Variants in RGL4 observed in about 807,000 individuals in gnomAD.
The protein encoded by RGL4 is ral guanine nucleotide dissociation stimulator like 4.
In RGL4, 41 loss-of-function variants were observed where a neutral mutation model predicts 49.6. That is an observed-to-expected ratio of 0.83 (90% CI 0.64 to 1.07). The LOEUF (loss-of-function observed/expected upper bound fraction) is 1.07, where lower values mean the gene tolerates loss of function less well. RGL4 is among the 50% of genes least tolerant of loss of function. RGL4 has a pLI of 0.00. For synonymous variants in RGL4, 255 were observed against 238.0 expected (o/e 1.07, Z -0.66); for missense variants, 610 against 591.9 (o/e 1.03, Z -0.32).
Position 23,694,358 on chromosome 22 carries a change from C to A in RGL4, c.924C>A (p.Ser308Arg), listed in dbSNP as rs369844839. The change falls in exon 5 of 11, where the codon AGC becomes AGA. Residue 308 changes from serine (S) to arginine (R), a missense_variant. Transcript: ENST00000290691. ...HWIKVARECL[S>R]LNNFSSVHVI... The stretch of plus-strand genomic sequence containing the variant: ...TCTTCCCTCTCCAGGAGTGCCTAAG[C>A]CTCAACAACTTCTCCTCGGTGCACG... 7.1e-5 allele frequency: 115 copies of A among 1,613,562 alleles called. No individual in the cohort carries two copies. In the African/African-American group the frequency reaches 1.2e-3, roughly 17 times the overall value.
At chr22:23,694,019 A>G in intron 4 of RGL4, 45 bp downstream of exon 4, 1 of 1,540,304 alleles carries the variant, frequency 6.5e-7, no homozygotes, top group South Asian at 1.1e-5. Flanking sequence ...AAAAATGGGG[A>G]ACTTCCTCTT....
intron 3 of RGL4, among the ~76,000 whole-genome samples, 182 bp from the exon 4 acceptor site, chr22:23,693,577 G>A (rs938750743): frequency 5.3e-5 from 8 of 152,172 alleles, no homozygotes; most frequent in Admixed American, 2.0e-4. Flanking sequence ...CAGGTCCCTC[G>A]GGGGCAGAAA....
At position 23,692,507 on chromosome 22, in the gene RGL4, C is replaced by A; in HGVS notation, c.352C>A (p.Pro118Thr). The change falls in exon 2 of 11, where the codon CCC becomes ACC. Residue 118 changes from proline (P) to threonine (T), a missense_variant. Pro to Thr is a conservative substitution (Grantham distance 38). Coordinates refer to ENST00000290691, the MANE Select transcript of RGL4 (RefSeq NM_153615.2). ...IVLGQLVLPE[P>T]NEAKPDDPAP... ...CCTAGGCCAGTTGGTGCTTCCGGAG[C>A]CCAACGAGGCCAAGCCAGATGGTGA... 6.2e-7 allele frequency: 1 copy of A among 1,613,904 alleles called. No homozygotes were observed. Among genetic ancestry groups the A allele is most frequent in the Non-Finnish European group, 8.5e-7 (1 of 1,179,840 alleles).
rs1466095552 is a variant in RGL4 at position 23,692,121 on chromosome 22, G to C, written c.91G>C (p.Val31Leu). The change falls in exon 1 of 11, where the codon GTC (valine) becomes CTC (leucine). Residue 31 changes from valine (V) to leucine (L), a missense_variant. By Grantham distance (32) the Val-to-Leu change is conservative (BLOSUM62 1). Coordinates refer to ENST00000290691, the MANE Select transcript of RGL4 (RefSeq NM_153615.2). The stretch of plus-strand genomic sequence containing the variant: ...GCTCCAGGGCCTTTGGGAAGAGAAT[G>C]TCTGTGGGACGCCAGGGCGCACGAG... ...AVLQGLWEEN[V>L]CGTPGRTRVC... The C allele has an allele frequency of 2.5e-6, 4 of 1,614,190 alleles. No individual in the cohort carries two copies. The highest frequency in any genetic ancestry group is 1.7e-5 in the Admixed American group (1 of 60,030).
In RGL4 at chr22:23,691,660, C is replaced by T. The variant is rs528194118; in HGVS notation, c.-371C>T. 9.8e-5 allele frequency: 21 copies of T among 214,892 alleles called. No homozygotes were observed. The South Asian group carries it at 1.2e-3, about 12-fold the overall frequency. 13.3% of individuals were successfully genotyped at this position (214,892 alleles called of 1,614,324 possible). On this transcript the variant is annotated 5_prime_UTR_variant, in exon 1 of 11. The change creates a new upstream start codon in the 5' untranslated region. Coordinates refer to ENST00000290691, the MANE Select transcript of RGL4 (RefSeq NM_153615.2). Reference sequence around the variant, plus strand: ...TCCTCCCAGATTCTGACTAGAATGACGCAGCCCAGCAACAAATATAAACTG... The same window carrying T: ...TCCTCCCAGATTCTGACTAGAATGATGCAGCCCAGCAACAAATATAAACTG...
chr22:23,697,917 C>T, intron 9 of RGL4, 56 bp downstream of exon 9: 2 of 1,570,958 alleles, frequency 1.3e-6, no homozygotes, highest in South Asian at 1.2e-5. Context: ...CGTCACAGTC[C>T]ACCCTGGGCA....
intron 3 of RGL4, 37 bp downstream of exon 3, chr22:23,693,028 C>T: frequency 6.5e-7 from 1 of 1,549,612 alleles, no homozygotes; most frequent in Non-Finnish European, 8.7e-7. Flanking sequence ...GTCTCTGGCA[C>T]CAGCTGTCTC....
chr22:23,698,275 C>T lies in RGL4; in HGVS notation c.1324C>T (p.Pro442Ser), dbSNP rs140300821. 2.4e-4 allele frequency: 383 copies of T among 1,612,196 alleles called. No homozygotes were observed. Among genetic ancestry groups the T allele is most frequent in the Non-Finnish European group, 2.8e-4 (329 of 1,178,498 alleles). The change falls in exon 10 of 11, where the codon CCT (proline) becomes TCT (serine). Residue 442 changes from proline to serine, a missense_variant. Pro to Ser is a moderately conservative substitution (Grantham distance 74). Coordinates refer to ENST00000290691, the MANE Select transcript of RGL4 (RefSeq NM_153615.2). ...QVAAMNYRLR[P>S]LEKFVTYFTR... ...GGCTGCCATGAATTACAGGCTTCGG[C>T]CTCTTGAGAAATTTGTCACCTATTT... is the stretch of plus-strand genomic sequence containing the variant.
intron 8 of RGL4, 22 bp downstream of exon 8, chr22:23,697,267 T>C: frequency 1.2e-6 from 2 of 1,600,324 alleles, no homozygotes; most frequent in Non-Finnish European, 1.7e-6. Context: ...TGGGGCAGGG[T>C]GCTTGGGAAC....
In RGL4 at chr22:23,692,363, C is replaced by T. The variant is rs1467976178; in HGVS notation, c.208C>T (p.Pro70Ser). Residue 70 changes from proline to serine, a missense_variant, in exon 2 of 11, where the codon CCC becomes TCC. Transcript: ENST00000290691. Reference sequence around the variant, plus strand: ...CATCACCTCCATTTTGTTCAACTGGCCCCCCGAAAACACTTCAGTTTACTA... The same window carrying T: ...CATCACCTCCATTTTGTTCAACTGGTCCCCCGAAAACACTTCAGTTTACTA... ...RTITSILFNW[P>S]PENTSVYYQP... The T allele has an allele frequency of 1.9e-6, 3 of 1,613,938 alleles. No individual in the cohort carries two copies. The highest frequency in any genetic ancestry group is 2.5e-6 in the Non-Finnish European group (3 of 1,179,948).
rs183284942 is a variant in RGL4 at position 23,697,821 on chromosome 22, C to T, written c.1237-17C>T. The T allele has an allele frequency of 4.8e-4, 770 of 1,602,996 alleles. 3 individuals are homozygous for T. The African/African-American group carries it at 8.9e-3, about 19-fold the overall frequency. On this transcript the variant is annotated splice_polypyrimidine_tract_variant and intron_variant, in intron 8 of 10. Coordinates refer to ENST00000290691, the MANE Select transcript of RGL4 (RefSeq NM_153615.2). The stretch of plus-strand genomic sequence containing the variant: ...GTGGGCCAGGGGCCTTTCTGATGGA[C>T]TCTGTCTGCCTTCCAGGGCAACACC...
At chr22:23,693,492 T>C (rs76947034) in intron 3 of RGL4, among the ~76,000 whole-genome samples, 6,979 of 152,232 alleles carry the variant, frequency 0.046, 212 homozygotes, top group Non-Finnish European at 0.07. Context: ...CTTCTAGTTC[T>C]TAGAGTGTGG....
chr22:23,698,449 A>G (rs2123865391), intron 10 of RGL4, 116 bp downstream of exon 10: 1 of 1,253,230 alleles, frequency 8.0e-7, no homozygotes, highest in Non-Finnish European at 1.1e-6. Flanking sequence ...TGTTCACTGC[A>G]ACGTCTGCCT....
At chr22:23,695,563 G>A (rs541678973) in intron 6 of RGL4, 93 of 420,186 alleles carry the variant, frequency 2.2e-4, no homozygotes, top group Non-Finnish European at 3.7e-4. Flanking sequence ...ATGTGGCAGG[G>A]AGTCCAGTAA....
Position 23,692,487 on chromosome 22 carries a change from G to A in RGL4, c.332G>A (p.Gly111Asp). Reference sequence around the variant, plus strand: ...GAGGACCATCAGGAAATTGTCCTAGGCCAGTTGGTGCTTCCGGAGCCCAAC... The same window carrying A: ...GAGGACCATCAGGAAATTGTCCTAGACCAGTTGGTGCTTCCGGAGCCCAAC... ...GLEDHQEIVL[G>D]QLVLPEPNEA... The change falls in exon 2 of 11, where the codon GGC (glycine) becomes GAC (aspartate). Residue 111 changes from glycine (G) to aspartate (D), a missense_variant. Physicochemically the swap from Gly to Asp is moderately conservative, Grantham distance 94 (BLOSUM62 -1). Coordinates refer to ENST00000290691, the MANE Select transcript of RGL4 (RefSeq NM_153615.2). 1.2e-6 allele frequency: 2 copies of A among 1,614,156 alleles called. No individual in the cohort carries two copies. Among genetic ancestry groups the A allele is most frequent in the Non-Finnish European group, 1.7e-6 (2 of 1,180,010 alleles).
chr22:23,694,891 G>C (rs1170441329), intron 5 of RGL4, 59 bp from the exon 6 acceptor site: 5 of 1,329,388 alleles, frequency 3.8e-6, no homozygotes. Flanking sequence ...AAAGGGACTG[G>C]AACTCACAAA....
At chr22:23,698,520 T>C (rs1460941140) in intron 10 of RGL4, 187 bp downstream of exon 10, 10 of 740,044 alleles carry the variant, frequency 1.4e-5, no homozygotes, top group East Asian at 5.4e-5. Flanking sequence ...TACACCACCA[T>C]GTCCGGTTGT....
rs1303900180 is a variant in RGL4 at position 23,693,789 on chromosome 22, T to C, written c.727T>C (p.Cys243Arg). 1 of 1,614,084 alleles carries C rather than the reference T, an allele frequency of 6.2e-7. No homozygotes were observed. The highest frequency in any genetic ancestry group is 1.7e-5 in the Admixed American group (1 of 60,026). Reference protein sequence around the residue: ...ELFKKVVLHECLGCIWGQGHL... With the variant: ...ELFKKVVLHERLGCIWGQGHL... Reference sequence around the variant, plus strand: ...GTTCAAGAAGGTGGTGCTCCACGAATGCTTGGGCTGCATCTGGGGCCAAGG... The same window carrying C: ...GTTCAAGAAGGTGGTGCTCCACGAACGCTTGGGCTGCATCTGGGGCCAAGG... Residue 243 changes from cysteine to arginine, a missense_variant, in exon 4 of 11, where the codon TGC becomes CGC. Cys to Arg is a radical substitution (Grantham distance 180). Transcript: ENST00000290691.
At chr22:23,698,723 C>T (rs749357799) in intron 10 of RGL4, 121 bp from the exon 11 acceptor site, 16 of 1,283,124 alleles carry the variant, frequency 1.2e-5, no homozygotes, top group Non-Finnish European at 1.7e-5. Context: ...GCCTCCACGG[C>T]CAGCATCAAG....
Sources: allele counts gnomAD v4.1 joint callset (sites outside exome capture counted in the v4.1 genomes callset), GRCh38; gene constraint gnomAD v4.1.1; transcripts MANE v1.5; gene names NCBI Gene and HGNC (gene_info 2026-07-23, HGNC 2026-07-21).